Variants in FGGY observed in about 807,000 individuals in gnomAD.
The protein encoded by FGGY is FGGY carbohydrate kinase domain containing.
A neutral mutation model predicts 71.3 loss-of-function variants in FGGY; 72 were observed. That is an observed-to-expected ratio of 1.01 (90% confidence interval 0.84 to 1.23). The LOEUF (loss-of-function observed/expected upper bound fraction) is 1.23. Ranked by LOEUF, FGGY falls within the 50% of genes most tolerant of loss-of-function variation. FGGY has a pLI of 0.00. For missense variants in FGGY, 668 were observed against 682.3 expected (o/e 0.98, Z 0.23); for synonymous variants, 251 against 250.3 (o/e 1.00, Z -0.02).
chr1:59,316,052 G>A (rs1387028548), intron 1 of FGGY: 1 of 152,182 alleles, frequency 6.6e-6, no homozygotes, highest in African/African-American at 2.4e-5. Context: ...CTTAGAGCAT[G>A]TAAAAATTGT....
At chr1:59,372,753 A>G (rs2057913018) in intron 4 of FGGY, among the ~76,000 whole-genome samples, 1 of 152,236 alleles carries the variant, frequency 6.6e-6, no homozygotes, top group African/African-American at 2.4e-5. Flanking sequence ...GGCTGGTCCA[A>G]TATACGCAAA....
intron 5 of FGGY, among the ~76,000 whole-genome samples, chr1:59,410,246 C>A (rs1361957728): frequency 2.6e-5 from 4 of 152,194 alleles, no homozygotes; most frequent in Non-Finnish European, 5.9e-5. Context: ...ATAGTAACAA[C>A]AATGATGATG....
chr1:59,729,902 T>G (rs1306545740), intron 14 of FGGY, among the ~76,000 whole-genome samples: 1 of 152,144 alleles, frequency 6.6e-6, no homozygotes, highest in Non-Finnish European at 1.5e-5. Context: ...CTCTTCCTCT[T>G]AAAAGGTCTT....
At chr1:59,633,398 G>A (rs2096926878) in intron 10 of FGGY, among the ~76,000 whole-genome samples, 1 of 152,186 alleles carries the variant, frequency 6.6e-6, no homozygotes, top group South Asian at 2.1e-4. Flanking sequence ...CCAAGGGTCT[G>A]TGCTGATTTA....
At chr1:59,375,651 G>T (rs1425643544) in intron 4 of FGGY, among the ~76,000 whole-genome samples, 1 of 152,176 alleles carries the variant, frequency 6.6e-6, no homozygotes, top group Non-Finnish European at 1.5e-5. Context: ...GGAGAGGTTG[G>T]ACTGGGATCT....
chr1:59,404,391 G>T (rs2062431901), intron 5 of FGGY, among the ~76,000 whole-genome samples: 1 of 152,086 alleles, frequency 6.6e-6, no homozygotes, highest in Non-Finnish European at 1.5e-5. Flanking sequence ...TTTCTTTCCA[G>T]GACAGCGTCA....
At chr1:59,515,320 C>T (rs948686612) in intron 7 of FGGY, among the ~76,000 whole-genome samples, 4 of 151,946 alleles carry the variant, frequency 2.6e-5, no homozygotes, top group East Asian at 1.9e-4. Flanking sequence ...TACCTGTACC[C>T]GCATTGTATC....
chr1:59,669,969 T>C (rs1016074144), intron 13 of FGGY, among the ~76,000 whole-genome samples: 6 of 152,156 alleles, frequency 3.9e-5, no homozygotes, highest in African/African-American at 1.4e-4. Context: ...TGGAAACTGT[T>C]CTCCTCTAGG....
intron 14 of FGGY, among the ~76,000 whole-genome samples, chr1:59,731,887 C>A (rs1391395729): frequency 1.3e-5 from 2 of 152,142 alleles, no homozygotes; most frequent in Non-Finnish European, 2.9e-5. Context: ...CCCTGTTTAT[C>A]CTAGGTTTGA....
Position 59,443,252 on chromosome 1 carries a change from A to G in FGGY, c.555-13709A>G, listed in dbSNP as rs544401675. Among the ~76,000 whole-genome samples, 4 of 152,278 alleles carry G rather than the reference A, an allele frequency of 2.6e-5. No homozygotes were observed. The East Asian group carries it at 7.7e-4, about 29-fold the overall frequency. ...ATTCTCAAGTTAAGATGATTTTTTT[A>G]GATACTCCAGAGGCCAGAATTAATC... On this transcript the variant is annotated intron_variant, in intron 5 of 15. Coordinates refer to ENST00000303721, the MANE Select transcript of FGGY (RefSeq NM_018291.5).
chr1:59,510,435 A>G (rs1349943308), intron 6 of FGGY, among the ~76,000 whole-genome samples: 1 of 152,172 alleles, frequency 6.6e-6, no homozygotes. Context: ...ATAGTGACAT[A>G]ATTAAGATAT....
At chr1:59,699,287 A>G (rs2097690258) in intron 14 of FGGY, 2 of 985,090 alleles carry the variant, frequency 2.0e-6, no homozygotes, top group Non-Finnish European at 2.4e-6. Flanking sequence ...AAGGAAATTA[A>G]AAATTCAATT....
chr1:59,473,494 T>C (rs1014640310), intron 6 of FGGY, among the ~76,000 whole-genome samples: 7 of 152,114 alleles, frequency 4.6e-5, no homozygotes, highest in African/African-American at 1.7e-4. Flanking sequence ...CTGGACACAG[T>C]AGTTTACCAG....
chr1:59,556,571 G>C (rs1395761592), intron 8 of FGGY, among the ~76,000 whole-genome samples: 1 of 152,328 alleles, frequency 6.6e-6, no homozygotes, highest in East Asian at 1.9e-4. Context: ...ATAGAGGAAT[G>C]GTGAGAACAT....
chr1:59,315,907 A>G (rs956689132), intron 1 of FGGY, among the ~76,000 whole-genome samples: 8 of 152,068 alleles, frequency 5.3e-5, no homozygotes, highest in African/African-American at 1.9e-4. Flanking sequence ...GCCTTAAGAA[A>G]TTTTCATGTT....
chr1:59,472,873 C>CT (rs1305764063), intron 6 of FGGY, among the ~76,000 whole-genome samples: 3 of 152,096 alleles, frequency 2.0e-5, no homozygotes, highest in African/African-American at 7.2e-5. Flanking sequence ...CACCCAGTGT[C>CT]TAGCTCAGGG....
chr1:59,627,376 A>T (rs2096866599), intron 10 of FGGY, among the ~76,000 whole-genome samples: 1 of 149,450 alleles, frequency 6.7e-6, no homozygotes, highest in East Asian at 2.0e-4. Context: ...ATTGTGGATA[A>T]TAAGAGCCAG....
chr1:59,481,275 A>G (rs1160908382), intron 6 of FGGY, among the ~76,000 whole-genome samples: 3 of 152,170 alleles, frequency 2.0e-5, no homozygotes, highest in Non-Finnish European at 4.4e-5. Context: ...TTAGAATGTT[A>G]GTACTTAGAA....
chr1:59,529,907 G>T (rs974192059), intron 7 of FGGY, among the ~76,000 whole-genome samples: 2 of 152,138 alleles, frequency 1.3e-5, no homozygotes, highest in African/African-American at 4.8e-5. Context: ...TAAAATTTTT[G>T]ATGTTCTTTA....
Sources: gnomAD v4.1 joint callset for allele counts (sites outside exome capture counted in the v4.1 genomes callset) on GRCh38, gnomAD v4.1.1 for gene constraint, MANE v1.5 for transcripts, NCBI Gene and HGNC (gene_info 2026-07-23, HGNC 2026-07-21) for gene names.